FHIT: variants seen among roughly 807,000 people sequenced by gnomAD.
FHIT encodes the protein bis(5'-adenosyl)-triphosphatase.
In FHIT, 19 loss-of-function variants were observed where a neutral mutation model predicts 17.9. The observed-to-expected ratio is 1.06, with a 90% CI of 0.74 to 1.56. FHIT has a LOEUF of 1.56. Ranked by LOEUF, FHIT falls within the 40% of genes most tolerant of loss-of-function variation. The pLI is 0.00. For missense variants in FHIT, 248 were observed against 189.2 expected, an observed-to-expected ratio of 1.31 and a Z score of -1.82; for synonymous variants, 81 against 69.7, an observed-to-expected ratio of 1.16 and a Z score of -0.81.
At chr3:59,878,457 T>G (rs1703260427) in intron 8 of FHIT, among the ~76,000 whole-genome samples, 1 of 152,160 alleles carries the variant, frequency 6.6e-6, no homozygotes. Context: ...CTAACAGCTG[T>G]CCACTGCACT....
At chr3:60,294,681 G>C (rs9848465) in intron 5 of FHIT, among the ~76,000 whole-genome samples, 93,732 of 151,968 alleles carry the variant, frequency 0.62, 30,636 homozygotes, top group East Asian at 0.97. Flanking sequence ...ACATTAATTT[G>C]CTCCCGCCCT....
chr3:60,378,555 G>A (rs1360311147), intron 5 of FHIT, among the ~76,000 whole-genome samples: 1 of 152,116 alleles, frequency 6.6e-6, no homozygotes, highest in Non-Finnish European at 1.5e-5. Context: ...CAAAGATAAT[G>A]TGCCAAGTCC....
At chr3:60,426,747 G>A (rs141335523) in intron 5 of FHIT, among the ~76,000 whole-genome samples, 16 of 152,050 alleles carry the variant, frequency 1.1e-4, no homozygotes, top group Non-Finnish European at 2.2e-4. Flanking sequence ...TTTTGGCTTC[G>A]AGAAGTAAGG....
intron 2 of FHIT, among the ~76,000 whole-genome samples, chr3:61,188,587 C>T (rs1361213925): frequency 6.6e-6 from 1 of 152,164 alleles, no homozygotes; most frequent in Non-Finnish European, 1.5e-5. Context: ...TTTTATGAGG[C>T]CAGCATCATC....
intron 3 of FHIT, among the ~76,000 whole-genome samples, chr3:60,890,437 C>T (rs9870642): frequency 0.27 from 41,764 of 151,886 alleles, 6,929 homozygotes; most frequent in African/African-American, 0.46. Context: ...AGCCACGCCC[C>T]AATTCCTGAC....
At chr3:60,291,778 G>A (rs1270893014) in intron 5 of FHIT, among the ~76,000 whole-genome samples, 4 of 152,058 alleles carry the variant, frequency 2.6e-5, no homozygotes, top group East Asian at 1.9e-4. Context: ...AGAAAGGACT[G>A]GGAGATTTGG....
chr3:60,192,042 G>A (rs1038086172), intron 5 of FHIT, among the ~76,000 whole-genome samples: 1 of 152,008 alleles, frequency 6.6e-6, no homozygotes, highest in Admixed American at 6.6e-5. Flanking sequence ...CTTGAGACCA[G>A]GAGTTCGAGA....
chr3:60,247,858 C>T (rs1320414910), intron 5 of FHIT, among the ~76,000 whole-genome samples: 1 of 152,132 alleles, frequency 6.6e-6, no homozygotes, highest in Non-Finnish European at 1.5e-5. Flanking sequence ...CAGTGAAGGG[C>T]TTAGCACACA....
chr3:60,257,070 C>T (rs1021417486), intron 5 of FHIT, among the ~76,000 whole-genome samples: 1 of 152,162 alleles, frequency 6.6e-6, no homozygotes, highest in Admixed American at 6.5e-5. Context: ...AACAGCTTTG[C>T]CTCCATTTTC....
At chr3:60,464,316 G>C (rs1330633172) in intron 5 of FHIT, among the ~76,000 whole-genome samples, 1 of 152,026 alleles carries the variant, frequency 6.6e-6, no homozygotes, top group Non-Finnish European at 1.5e-5. Context: ...TAATCACGTA[G>C]GGTAAATGGG....
chr3:60,356,262 C>T (rs1241786563), intron 5 of FHIT, among the ~76,000 whole-genome samples: 1 of 152,142 alleles, frequency 6.6e-6, no homozygotes, highest in African/African-American at 2.4e-5. Context: ...TTTCCCATGC[C>T]ATACTAAGCA....
chr3:60,229,746 G>T (rs900233857), intron 5 of FHIT, among the ~76,000 whole-genome samples: 2 of 152,182 alleles, frequency 1.3e-5, no homozygotes, highest in African/African-American at 4.8e-5. Context: ...CACTTTGGTA[G>T]GCCAAGGTGA....
intron 5 of FHIT, among the ~76,000 whole-genome samples, chr3:60,405,642 C>A (rs1016867546): frequency 7.2e-5 from 11 of 152,184 alleles, no homozygotes; most frequent in Non-Finnish European, 1.6e-4. Context: ...TCCTACATCG[C>A]TAGCCAGAGG....
chr3:60,516,769 C>T (rs1002375866), intron 5 of FHIT, among the ~76,000 whole-genome samples: 1 of 152,184 alleles, frequency 6.6e-6, no homozygotes, highest in Non-Finnish European at 1.5e-5. Context: ...GCATCTCCGC[C>T]AGAGTAACGT....
chr3:60,576,770 G>C (rs1034534593), intron 4 of FHIT, among the ~76,000 whole-genome samples: 15 of 152,090 alleles, frequency 9.9e-5, no homozygotes, highest in African/African-American at 3.4e-4. Flanking sequence ...ATTTAAAATA[G>C]AAAAGTAATG....
intron 4 of FHIT, among the ~76,000 whole-genome samples, chr3:60,569,744 T>TACAC (rs1559547632): frequency 6.6e-5 from 5 of 76,212 alleles, no homozygotes; most frequent in African/African-American, 1.7e-4. Context: ...TATATATATA[T>TACAC]ATATATATAT....
At chr3:60,192,767 T>C (rs1245516968) in intron 5 of FHIT, among the ~76,000 whole-genome samples, 4 of 152,134 alleles carry the variant, frequency 2.6e-5, no homozygotes, top group East Asian at 3.9e-4. Flanking sequence ...TCCACCACCA[T>C]CCGTGAAAGC....
intron 8 of FHIT, among the ~76,000 whole-genome samples, chr3:59,849,619 A>G (rs1701855715): frequency 6.6e-6 from 1 of 152,216 alleles, no homozygotes; most frequent in South Asian, 2.1e-4. Flanking sequence ...AAACTTTCCA[A>G]CAGCACGTAC....
intron 8 of FHIT, among the ~76,000 whole-genome samples, chr3:59,787,481 AACACACACACACACACACACACAC>A (rs58100812): frequency 3.5e-5 from 5 of 142,400 alleles, no homozygotes; most frequent in Non-Finnish European, 6.1e-5. Context: ...CAAGGGGCAA[AACACACACACACACACACACACAC>A]ACACACACAC....
Sources: allele counts gnomAD v4.1 joint callset (sites outside exome capture counted in the v4.1 genomes callset), GRCh38; gene constraint gnomAD v4.1.1; transcripts MANE v1.5; gene names NCBI Gene and HGNC (gene_info 2026-07-23, HGNC 2026-07-21).